FLG: variants seen among roughly 807,000 people sequenced by gnomAD.
The protein encoded by FLG is filaggrin.
In FLG, 6 loss-of-function variants were observed where a neutral mutation model predicts 3.8. That is an observed-to-expected ratio of 1.60 (90% CI 0.87 to 3.15). The LOEUF (loss-of-function observed/expected upper bound fraction) is 3.15, where lower values mean the gene tolerates loss of function less well. FLG is among the 30% of genes most tolerant of loss of function. FLG has a pLI of 0.00. For synonymous variants in FLG, 2,551 were observed against 1,931.6 expected, an observed-to-expected ratio of 1.32 and a Z score of -8.41; for missense variants, 7,595 against 5,050.9, an observed-to-expected ratio of 1.50 and a Z score of -15.27.
Position 152,307,860 on chromosome 1 carries a change from T to C in FLG, c.7026A>G (p.Arg2342=). Residue 2342 remains arginine, a synonymous_variant, in exon 3 of 3, where the codon AGA becomes AGG. Transcript: ENST00000368799. ...SHHQQSADSS[R]HSGIGHGQAS... ...CTTGTCCGTGCCCAATGCCTGAGTG[T>C]CTGGAGCTGTCTGCTGACTGCTGGT... The C allele has an allele frequency of 6.2e-7, 1 of 1,612,488 alleles. No homozygotes were observed. Among genetic ancestry groups the C allele is most frequent in the South Asian group, 1.1e-5 (1 of 90,924 alleles).
rs145158439 is a variant in FLG at position 152,309,555 on chromosome 1, G to A, written c.5331C>T (p.Ser1777=). ...TGCTGGGCCCTGTGCGTCCATGGGCGGACTCAGACTGTTCATGAGTGCTCA... is the reference window on the plus strand; with the variant it reads ...TGCTGGGCCCTGTGCGTCCATGGGCAGACTCAGACTGTTCATGAGTGCTCA... ...YQVSTHEQSE[S]AHGRTGPSTG... Residue 1777 remains serine, a synonymous_variant, in exon 3 of 3, where the codon TCC becomes TCT. Transcript: ENST00000368799. The A allele has an allele frequency of 5.3e-4, 849 of 1,613,664 alleles. 5 individuals are homozygous for A. The highest frequency in any genetic ancestry group is 4.3e-3 in the Middle Eastern group (26 of 6,062).
rs767440696 is a variant in FLG at position 152,304,450 on chromosome 1, T to A, written c.10436A>T (p.Gln3479Leu). 4 of 1,612,310 alleles carry A rather than the reference T, an allele frequency of 2.5e-6. 1 individual carries two copies. In the South Asian group the frequency reaches 3.3e-5, roughly 13 times the overall value. ...TCTGCTGGCACTTCTGGATCCTGAC[T>A]GCCCACGGGAGGCATCAGACCTTCC... ...SQGRSDASRG[Q>L]SGSRSASRQT... Residue 3479 changes from glutamine (Q) to leucine (L), a missense_variant, in exon 3 of 3, where the codon CAG (glutamine) becomes CTG (leucine). Physicochemically the swap from Gln to Leu is moderately radical, Grantham distance 113. Transcript: ENST00000368799.
Position 152,304,121 on chromosome 1 carries a change from C to T in FLG, c.10765G>A (p.Gly3589Arg), listed in dbSNP as rs533769471. The T allele has an allele frequency of 2.8e-5, 44 of 1,584,982 alleles. 2 individuals carry two copies. Among genetic ancestry groups the T allele is most frequent in the African/African-American group, 2.5e-4 (18 of 72,578 alleles). Residue 3589 changes from glycine to arginine, a missense_variant, in exon 3 of 3, where the codon GGG (glycine) becomes AGG (arginine). By Grantham distance (125) the Gly-to-Arg change is moderately radical. Coordinates refer to ENST00000368799, the MANE Select transcript of FLG (RefSeq NM_002016.2). ...TSHHEDRAGH[G>R]HSAESSRQSG... ...TGTCTGGAGCTCTCTGCAGAGTGCC[C>T]GTGACCGGCTCTGTCTTCGTGATGG...
In FLG at chr1:152,305,077, C is replaced by T. The variant is rs147429418; in HGVS notation, c.9809G>A (p.Arg3270His). 481 of 1,613,908 alleles carry T rather than the reference C, an allele frequency of 3.0e-4. 10 individuals carry two copies. The East Asian group carries it at 4.2e-3, about 14-fold the overall frequency. The change falls in exon 3 of 3, where the codon CGC (arginine) becomes CAC (histidine). Residue 3270 changes from arginine to histidine, a missense_variant. Physicochemically the swap from Arg to His is conservative, Grantham distance 29. Coordinates refer to ENST00000368799, the MANE Select transcript of FLG (RefSeq NM_002016.2). ...GTGACGAGTGCCTGATTGTCTGGAG[C>T]GGTCTGCAGAGTGCCCGTGACCGGC... ...DRAGHGHSAD[R>H]SRQSGTRHAE...
In FLG at chr1:152,311,870, C is replaced by T. The variant is rs763858977; in HGVS notation, c.3016G>A (p.Gly1006Arg). The change falls in exon 3 of 3, where the codon GGA becomes AGA. Residue 1006 changes from glycine to arginine, a missense_variant. Coordinates refer to ENST00000368799, the MANE Select transcript of FLG (RefSeq NM_002016.2). Reference protein sequence around the residue: ...GHSADSSRQSGTPHAETSSGG... With the variant: ...GHSADSSRQSRTPHAETSSGG... ...GAGGAAGTCTCTGCGTGAGGAGTTC[C>T]TGATTGTCTGGAGCTGTCTGCAGAG... The T allele has an allele frequency of 1.2e-6, 2 of 1,614,166 alleles. No individual in the cohort carries two copies. Among genetic ancestry groups the T allele is most frequent in the African/African-American group, 1.3e-5 (1 of 75,040 alleles).
At position 152,308,959 on chromosome 1, in the gene FLG, T is replaced by C. The variant is rs543581931; in HGVS notation, c.5927A>G (p.Gln1976Arg). The change falls in exon 3 of 3, where the codon CAA becomes CGA. Residue 1976 changes from glutamine (Q) to arginine (R), a missense_variant. Physicochemically the swap from Gln to Arg is conservative, Grantham distance 43. Coordinates refer to ENST00000368799, the MANE Select transcript of FLG (RefSeq NM_002016.2). ...AGACTCTGTGTGACGAGTGCCTGATTGTCTGGAGCTGTCTGCAGAGTGCCC... is the reference window on the plus strand; with the variant it reads ...AGACTCTGTGTGACGAGTGCCTGATCGTCTGGAGCTGTCTGCAGAGTGCCC... ...GHGHSADSSR[Q>R]SGTRHTESSS... is the part of the protein sequence containing the mutation. 9.9e-6 allele frequency: 16 copies of C among 1,614,204 alleles called. No homozygotes were observed. Among genetic ancestry groups the C allele is most frequent in the African/African-American group, 1.3e-5 (1 of 75,062 alleles).
At position 152,309,011 on chromosome 1, in the gene FLG, A is replaced by T. The variant is rs756328267; in HGVS notation, c.5875T>A (p.Ser1959Thr). 16 of 1,613,756 alleles carry T rather than the reference A, an allele frequency of 9.9e-6. No homozygotes were observed. In the Admixed American group the frequency reaches 2.7e-4, roughly 27 times the overall value. ...TGACCGGCTCTGTCTTCGTGATGGG[A>T]CCCAGGGTGTCTGGAGCCATCTCTT... Reference protein sequence around the residue: ...QSRDGSRHPGSHHEDRAGHGH... With the variant: ...QSRDGSRHPGTHHEDRAGHGH... The change falls in exon 3 of 3, where the codon TCC (serine) becomes ACC (threonine). Residue 1959 changes from serine (S) to threonine (T), a missense_variant. Physicochemically the swap from Ser to Thr is moderately conservative, Grantham distance 58. Transcript: ENST00000368799.
Position 152,311,909 on chromosome 1 carries a change from C to G in FLG, c.2977G>C (p.Ala993Pro). ...CTGTCTGCAGAGTGCCCGTGACCGG[C>G]TCTGTCTTCGTGATGGGACCTGGGG... Reference protein sequence around the residue: ...RHPRSHHEDRAGHGHSADSSR... With the variant: ...RHPRSHHEDRPGHGHSADSSR... Residue 993 changes from alanine (A) to proline (P), a missense_variant, in exon 3 of 3, where the codon GCC (alanine) becomes CCC (proline). Physicochemically the swap from Ala to Pro is conservative, Grantham distance 27. Coordinates refer to ENST00000368799, the MANE Select transcript of FLG (RefSeq NM_002016.2). 6.2e-7 allele frequency: 1 copy of G among 1,613,794 alleles called. No homozygotes were observed. The highest frequency in any genetic ancestry group is 8.5e-7 in the Non-Finnish European group (1 of 1,179,988).
rs768140964 is a variant in FLG at position 152,309,767 on chromosome 1, C to T, written c.5119G>A (p.Gly1707Arg). 27 of 1,613,702 alleles carry T rather than the reference C, an allele frequency of 1.7e-5. No individual in the cohort carries two copies. Among genetic ancestry groups the T allele is most frequent in the Admixed American group, 5.0e-5 (3 of 59,982 alleles). ...CTGGACCCTCGGTTTCCACTGTCTC[C>T]GACTACAGATGAATCTTGTCTGCGC... is the stretch of plus-strand genomic sequence containing the variant. ...TGRRQDSSVV[G>R]DSGNRGSSGS... is the part of the protein sequence containing the mutation. The change falls in exon 3 of 3, where the codon GGA becomes AGA. Residue 1707 changes from glycine (G) to arginine (R), a missense_variant. Gly to Arg is a moderately radical substitution (Grantham distance 125). Transcript: ENST00000368799.
Position 152,308,664 on chromosome 1 carries a change from C to G in FLG, c.6222G>C (p.Glu2074Asp), listed in dbSNP as rs772316804. ...KAGPHQQSHK[E>D]SARGQSGESS... ...TTTCCCCTGACTGGCCACGTGCGGA[C>G]TCTTTGTGGCTCTGCTGATGGGGCC... The change falls in exon 3 of 3, where the codon GAG (glutamate) becomes GAC (aspartate). Residue 2074 changes from glutamate to aspartate, a missense_variant. By Grantham distance (45) the Glu-to-Asp change is conservative (BLOSUM62 2). Transcript: ENST00000368799. The G allele has an allele frequency of 1.1e-5, 18 of 1,614,036 alleles. No homozygotes were observed. The highest frequency in any genetic ancestry group is 1.1e-5 in the Non-Finnish European group (13 of 1,180,022).
chr1:152,304,829 G>A lies in FLG; in HGVS notation c.10057C>T (p.Gln3353Ter), dbSNP rs1242139781. The A allele has an allele frequency of 1.9e-6, 3 of 1,613,926 alleles. No homozygotes were observed. The highest frequency in any genetic ancestry group is 1.1e-5 in the South Asian group (1 of 91,016). Residue 3353 changes from glutamine (Q) to a stop codon, truncating the protein, a stop_gained, in exon 3 of 3, where the codon CAG becomes TAG. Transcript: ENST00000368799. LOFTEE classifies it low-confidence loss of function (END_TRUNC). ...GCCTGTCCATGGCCTGACACTGACT[G>A]TGTGTCTGACTCTTCTGAATGTCCC... Reference protein sequence around the residue: ...SEGHSEESDTQSVSGHGQAGP... With the variant: ...SEGHSEESDT
chr1:152,321,746 T>G (rs939988272), intron 1 of FLG, among the ~76,000 whole-genome samples: 2 of 151,192 alleles, frequency 1.3e-5, no homozygotes, highest in South Asian at 2.1e-4. Flanking sequence ...AAGAAAGAAA[T>G]AACTATAACA....
chr1:152,307,442 C>A lies in FLG; in HGVS notation c.7444G>T (p.Val2482Leu). 1 of 1,613,208 alleles carries A rather than the reference C, an allele frequency of 6.2e-7. No homozygotes were observed. Among genetic ancestry groups the A allele is most frequent in the East Asian group, 2.2e-5 (1 of 44,730 alleles). ...GACCCTGAGTGTCCAGATCTATCTACCAATTGCTCGTAGTGGGATCCCTGC... is the reference window on the plus strand; with the variant it reads ...GACCCTGAGTGTCCAGATCTATCTAACAATTGCTCGTAGTGGGATCCCTGC... ...GRQGSHYEQL[V>L]DRSGHSGSHH... is the part of the protein sequence containing the mutation. The change falls in exon 3 of 3, where the codon GTA (valine) becomes TTA (leucine). Residue 2482 changes from valine to leucine, a missense_variant. By Grantham distance (32) the Val-to-Leu change is conservative. Coordinates refer to ENST00000368799, the MANE Select transcript of FLG (RefSeq NM_002016.2).
rs1308844158 is a variant in FLG at position 152,310,410 on chromosome 1, G to A, written c.4476C>T (p.His1492=). 2 of 1,613,420 alleles carry A rather than the reference G, an allele frequency of 1.2e-6. No homozygotes were observed. The highest frequency in any genetic ancestry group is 1.7e-6 in the Non-Finnish European group (2 of 1,179,836). Residue 1492 remains histidine, a synonymous_variant, in exon 3 of 3, where the codon CAC becomes CAT. Transcript: ENST00000368799. ...GCCTTCCTCCTCTGCTTGACCCCGG[G>A]TGTCCACGAATGGTGTCCTGACCGT... is the stretch of plus-strand genomic sequence containing the variant. The part of the protein sequence containing the change: ...SQDGQDTIRG[H]PGSSRGGRQG...
Position 152,311,860 on chromosome 1 carries a change from T to A in FLG, c.3026A>T (p.His1009Leu). ...CTGTCCACCAGAGGAAGTCTCTGCG[T>A]GAGGAGTTCCTGATTGTCTGGAGCT... ...ADSSRQSGTP[H>L]AETSSGGQAA... Residue 1009 changes from histidine to leucine, a missense_variant, in exon 3 of 3, where the codon CAC becomes CTC. By Grantham distance (99) the His-to-Leu change is moderately conservative. Transcript: ENST00000368799. The A allele has an allele frequency of 6.2e-7, 1 of 1,614,108 alleles. No homozygotes were observed. The highest frequency in any genetic ancestry group is 8.5e-7 in the Non-Finnish European group (1 of 1,179,996).
rs1205797206 is a variant in FLG at position 152,308,999 on chromosome 1, C to G, written c.5887G>C (p.Asp1963His). 11 of 1,614,122 alleles carry G rather than the reference C, an allele frequency of 6.8e-6. No homozygotes were observed. The highest frequency in any genetic ancestry group is 9.3e-6 in the Non-Finnish European group (11 of 1,179,998). The change falls in exon 3 of 3, where the codon GAC (aspartate) becomes CAC (histidine). Residue 1963 changes from aspartate (D) to histidine (H), a missense_variant. Transcript: ENST00000368799. ...GCAGAGTGCCCGTGACCGGCTCTGTCTTCGTGATGGGACCCAGGGTGTCTG... is the reference window on the plus strand; with the variant it reads ...GCAGAGTGCCCGTGACCGGCTCTGTGTTCGTGATGGGACCCAGGGTGTCTG... ...GSRHPGSHHEDRAGHGHSADS... is the reference protein window; with the variant it reads ...GSRHPGSHHEHRAGHGHSADS...
Position 152,310,252 on chromosome 1 carries a change from C to T in FLG, c.4634G>A (p.Arg1545Lys). ...SGPRSASRQT[R>K]NEEQSGDGSR... ...GCCGTCTCCTGATTGTTCCTCATTT[C>T]TTGTTTGCCTGCTTGCACTTCTGGG... Residue 1545 changes from arginine (R) to lysine (K), a missense_variant, in exon 3 of 3, where the codon AGA (arginine) becomes AAA (lysine). Transcript: ENST00000368799. 2 of 1,613,802 alleles carry T rather than the reference C, an allele frequency of 1.2e-6. No individual in the cohort carries two copies. Among genetic ancestry groups the T allele is most frequent in the South Asian group, 2.2e-5 (2 of 91,052 alleles).
In FLG at chr1:152,309,195, G is replaced by T; in HGVS notation, c.5691C>A (p.His1897Gln). ...ATGATTGTCCCTGGCCCACCTGCGA[G>T]TGTCTAGAGCTGTCGGCCCGAGAGG... ...EASSRADSSRHSQVGQGQSSG... is the reference protein window; with the variant it reads ...EASSRADSSRQSQVGQGQSSG... Residue 1897 changes from histidine to glutamine, a missense_variant, in exon 3 of 3, where the codon CAC becomes CAA. Coordinates refer to ENST00000368799, the MANE Select transcript of FLG (RefSeq NM_002016.2). The T allele has an allele frequency of 1.2e-6, 2 of 1,613,778 alleles. No individual in the cohort carries two copies. The highest frequency in any genetic ancestry group is 1.7e-6 in the Non-Finnish European group (2 of 1,179,942).
Position 152,309,156 on chromosome 1 carries a change from T to A in FLG, c.5730A>T (p.Thr1910=), listed in dbSNP as rs186931716. ...VGQGQSSGPR[T]SRNQGSSVSQ... ...TAACACTGGATCCCTGGTTCCTGCT[T>A]GTCCTGGGCCCTGATGATTGTCCCT... The change falls in exon 3 of 3, where the codon ACA becomes ACT. Residue 1910 remains threonine, a synonymous_variant. Transcript: ENST00000368799. 5 of 1,613,578 alleles carry A rather than the reference T, an allele frequency of 3.1e-6. No individual in the cohort carries two copies. In the African/African-American group the frequency reaches 6.7e-5, roughly 22 times the overall value.
Sources: allele counts gnomAD v4.1 joint callset (sites outside exome capture counted in the v4.1 genomes callset), GRCh38; gene constraint gnomAD v4.1.1; transcripts MANE v1.5; gene names NCBI Gene and HGNC (gene_info 2026-07-23, HGNC 2026-07-21).